Variants in AUH observed in about 807,000 individuals in gnomAD.
AUH encodes the protein methylglutaconyl-CoA hydratase, mitochondrial.
A neutral mutation model predicts 42.3 loss-of-function variants in AUH; 29 were observed. The observed-to-expected ratio is 0.69, with a 90% CI of 0.51 to 0.93. The LOEUF (loss-of-function observed/expected upper bound fraction) is 0.93. AUH is among the 40% of genes least tolerant of loss of function. AUH has a pLI of 0.00. For synonymous variants in AUH, 174 were observed against 166.4 expected (o/e 1.05, Z -0.35); for missense variants, 452 against 438.1 (o/e 1.03, Z -0.28).
At chr9:91,332,606 T>C (rs560398105) in intron 3 of AUH, among the ~76,000 whole-genome samples, 2 of 152,276 alleles carry the variant, frequency 1.3e-5, no homozygotes, top group South Asian at 2.1e-4. Context: ...TCATAAATGG[T>C]TGCGGCTTGT....
chr9:91,228,086 T>G (rs1341554567), intron 6 of AUH, among the ~76,000 whole-genome samples: 1 of 152,144 alleles, frequency 6.6e-6, no homozygotes, highest in African/African-American at 2.4e-5. Flanking sequence ...TTAGGGAGGA[T>G]TCCCTCTTTT....
intron 3 of AUH, among the ~76,000 whole-genome samples, chr9:91,326,815 A>G (rs1029565702): frequency 6.6e-6 from 1 of 152,210 alleles, no homozygotes. Context: ...ATGTCTTTGT[A>G]ATTAATTTTT....
chr9:91,323,864 A>C (rs1355690201), intron 4 of AUH, among the ~76,000 whole-genome samples: 1 of 152,172 alleles, frequency 6.6e-6, no homozygotes, highest in Non-Finnish European at 1.5e-5. Context: ...ACTATCATAA[A>C]AATGTCAAAA....
intron 3 of AUH, among the ~76,000 whole-genome samples, chr9:91,338,483 C>T (rs1045500452): frequency 3.3e-5 from 5 of 152,110 alleles, no homozygotes; most frequent in Non-Finnish European, 5.9e-5. Flanking sequence ...TAGGCTGGAG[C>T]GCAATGGCGC....
intron 3 of AUH, among the ~76,000 whole-genome samples, chr9:91,338,265 T>A (rs1174664032): frequency 6.6e-6 from 1 of 152,218 alleles, no homozygotes; most frequent in African/African-American, 2.4e-5. Flanking sequence ...GAGGCTTCTT[T>A]CTGAAACGTG....
At chr9:91,242,852 A>G (rs1251277499) in intron 6 of AUH, among the ~76,000 whole-genome samples, 1 of 152,224 alleles carries the variant, frequency 6.6e-6, no homozygotes, top group Non-Finnish European at 1.5e-5. Context: ...ATGTGAAAAT[A>G]TTTCATGTTA....
chr9:91,306,213 T>C (rs939230475), intron 4 of AUH: 1 of 316,760 alleles, frequency 3.2e-6, no homozygotes, highest in African/African-American at 2.3e-5. Context: ...CCCAGAATAT[T>C]TCCTTCCTAC....
intron 6 of AUH, among the ~76,000 whole-genome samples, chr9:91,233,077 T>A (rs1827978738): frequency 6.6e-6 from 1 of 152,120 alleles, no homozygotes; most frequent in Admixed American, 6.6e-5. Context: ...GATACATCCA[T>A]GAACAAAACA....
At chr9:91,327,819 T>C (rs1339102410) in intron 3 of AUH, among the ~76,000 whole-genome samples, 1 of 152,220 alleles carries the variant, frequency 6.6e-6, no homozygotes, top group Non-Finnish European at 1.5e-5. Flanking sequence ...GCAAGAGTTG[T>C]AACACTGCTT....
At chr9:91,277,428 A>G (rs1043788626) in intron 6 of AUH, among the ~76,000 whole-genome samples, 4 of 152,200 alleles carry the variant, frequency 2.6e-5, no homozygotes, top group Non-Finnish European at 5.9e-5. Flanking sequence ...TTAAGGAAGT[A>G]TATCTCAAAC....
intron 6 of AUH, among the ~76,000 whole-genome samples, chr9:91,248,470 A>C (rs538328907): frequency 6.6e-6 from 1 of 152,390 alleles, no homozygotes; most frequent in South Asian, 2.1e-4. Flanking sequence ...AGACAAAGAA[A>C]GCACAACCTA....
At chr9:91,258,756 A>G (rs2131428194) in intron 6 of AUH, among the ~76,000 whole-genome samples, 1 of 152,332 alleles carries the variant, frequency 6.6e-6, no homozygotes, top group South Asian at 2.1e-4. Flanking sequence ...GAAATTTTTA[A>G]GAAATCATGA....
At chr9:91,229,404 T>A (rs1827729351) in intron 6 of AUH, among the ~76,000 whole-genome samples, 1 of 147,762 alleles carries the variant, frequency 6.8e-6, no homozygotes. Flanking sequence ...TTCCATTTGC[T>A]TGGTAGATCT....
intron 6 of AUH, among the ~76,000 whole-genome samples, chr9:91,254,542 T>C (rs1229493010): frequency 1.3e-5 from 2 of 152,200 alleles, no homozygotes; most frequent in African/African-American, 4.8e-5. Context: ...AGTTTAACTG[T>C]AAGATGCTGG....
intron 6 of AUH, among the ~76,000 whole-genome samples, chr9:91,282,817 T>C (rs1826079624): frequency 6.6e-6 from 1 of 151,904 alleles, no homozygotes; most frequent in African/African-American, 2.4e-5. Context: ...GAGGCAATAA[T>C]TAATAGCCTA....
In AUH at chr9:91,355,912, C is replaced by G. The variant is rs1484578345; in HGVS notation, c.389G>C (p.Arg130Thr). ...SDKKVRTIII[R>T]SEVPGIFCAG... ...ACAGAATATCCCTGGGACTTCACTC[C>G]TGATTATTATGGTCCGTACTTTCTT... is the stretch of plus-strand genomic sequence containing the variant. The change falls in exon 3 of 10, where the codon AGG becomes ACG. Residue 130 changes from arginine to threonine, a missense_variant. Transcript: ENST00000375731. The G allele has an allele frequency of 3.7e-6, 6 of 1,612,966 alleles. No homozygotes were observed. The highest frequency in any genetic ancestry group is 5.1e-6 in the Non-Finnish European group (6 of 1,179,320).
intron 6 of AUH, among the ~76,000 whole-genome samples, chr9:91,254,288 G>A (rs1364423626): frequency 6.6e-6 from 1 of 152,146 alleles, no homozygotes; most frequent in African/African-American, 2.4e-5. Context: ...GGAGGAAGCT[G>A]CGGAAAGTCT....
chr9:91,262,130 A>G (rs1268207084), intron 6 of AUH, among the ~76,000 whole-genome samples: 1 of 152,238 alleles, frequency 6.6e-6, no homozygotes, highest in Non-Finnish European at 1.5e-5. Flanking sequence ...CTGTTCAACA[A>G]ACTGCTTTGT....
At chr9:91,338,615 G>A (rs562894504) in intron 3 of AUH, among the ~76,000 whole-genome samples, 54 of 152,324 alleles carry the variant, frequency 3.5e-4, no homozygotes, top group African/African-American at 1.3e-3. Context: ...ATTTTTAGTA[G>A]AGATGAGGTT....
Sources: allele counts gnomAD v4.1 joint callset (sites outside exome capture counted in the v4.1 genomes callset), GRCh38; gene constraint gnomAD v4.1.1; transcripts MANE v1.5; gene names NCBI Gene and HGNC (gene_info 2026-07-23, HGNC 2026-07-21).